TMTC1: variants seen among roughly 807,000 people sequenced by gnomAD.
The protein encoded by TMTC1 is transmembrane O-mannosyltransferase targeting cadherins 1.
Under a neutral mutation model 104.8 loss-of-function variants are expected in TMTC1, and 73 were observed. The observed-to-expected ratio is 0.70, with a 90% CI of 0.58 to 0.85. The LOEUF is 0.85. Among genes scored for constraint, TMTC1 ranks in the 40% least tolerant of loss-of-function variants. The pLI is 0.00. For missense variants in TMTC1, 1,035 were observed against 1,096.1 expected (o/e 0.94, Z 0.79); for synonymous variants, 434 against 428.7 (o/e 1.01, Z -0.15).
Position 29,668,495 on chromosome 12 carries a change from C to G in TMTC1, c.939-35159G>C, listed in dbSNP as rs1940377339. Among the ~76,000 whole-genome samples, 3 of 121,996 alleles carry G rather than the reference C, an allele frequency of 2.5e-5. No homozygotes were observed. In the Admixed American group the frequency reaches 3.0e-4, roughly 12 times the overall value. 80.0% of individuals were successfully genotyped at this position (121,996 alleles called of 152,430 possible). On this transcript the variant is annotated intron_variant, in intron 5 of 17. Coordinates refer to ENST00000539277, the MANE Select transcript of TMTC1 (RefSeq NM_001193451.2). The stretch of plus-strand genomic sequence containing the variant: ...TTTTTTTTTGAGATGGAGTCCCACT[C>G]TGTCACCCAGGCTGGAGTGCAGTGG...
At chr12:29,553,503 C>T (rs1945159375) in intron 10 of TMTC1, among the ~76,000 whole-genome samples, 1 of 151,986 alleles carries the variant, frequency 6.6e-6, no homozygotes, top group African/African-American at 2.4e-5. Flanking sequence ...TTGTTTGGAC[C>T]TCTGTTAACT....
At chr12:29,508,540 G>A (rs7301855) in intron 17 of TMTC1, among the ~76,000 whole-genome samples, 28,896 of 151,986 alleles carry the variant, frequency 0.19, 2,879 homozygotes, top group East Asian at 0.35. Context: ...CACACAGAAC[G>A]CAGTTCCTTT....
chr12:29,626,648 A>T (rs1029747091), intron 6 of TMTC1, among the ~76,000 whole-genome samples: 8 of 152,208 alleles, frequency 5.3e-5, no homozygotes, highest in African/African-American at 1.9e-4. Flanking sequence ...TAACTCAAAA[A>T]TGAATCAATG....
At chr12:29,758,551 AC>A (rs11314501) in intron 3 of TMTC1, among the ~76,000 whole-genome samples, 152 bp downstream of exon 3, 1,958 of 152,256 alleles carry the variant, frequency 0.013, 138 homozygotes, top group Admixed American at 0.11. Context: ...ACGGCCCAGC[AC>A]TGGACAAGCA....
In TMTC1 at chr12:29,725,083, T is replaced by C. The variant is rs186335181; in HGVS notation, c.938+26583A>G. ...TTGCTCAGGCTGGAGTGCAGTGGCA[T>C]GATTTCGGCTCACTGTAACCTCCTC... On this transcript the variant is annotated intron_variant, in intron 5 of 17. Coordinates refer to ENST00000539277, the MANE Select transcript of TMTC1 (RefSeq NM_001193451.2). Among the ~76,000 whole-genome samples, 433 of 134,860 alleles carry C rather than the reference T, an allele frequency of 3.2e-3. 2 individuals are homozygous for C. The highest frequency in any genetic ancestry group is 0.012 in the African/African-American group (423 of 36,560). The allele number at this position is 134,860 out of a possible 152,430, so 88.5% of individuals were successfully genotyped here.
chr12:29,664,340 T>C (rs1490694607), intron 5 of TMTC1, among the ~76,000 whole-genome samples: 1 of 152,194 alleles, frequency 6.6e-6, no homozygotes, highest in Non-Finnish European at 1.5e-5. Flanking sequence ...TTTCTAGTTG[T>C]TGACCAATAG....
At chr12:29,715,068 G>A (rs1942039732) in intron 5 of TMTC1, among the ~76,000 whole-genome samples, 1 of 152,138 alleles carries the variant, frequency 6.6e-6, no homozygotes, top group South Asian at 2.1e-4. Context: ...CCCAGAAATG[G>A]TATAATTAGA....
intron 7 of TMTC1, among the ~76,000 whole-genome samples, chr12:29,602,924 G>C (rs1476990736): frequency 2.6e-5 from 4 of 152,102 alleles, no homozygotes; most frequent in Admixed American, 2.6e-4. Flanking sequence ...GTACTACAAA[G>C]AAAAGCTAAG....
chr12:29,716,162 G>A (rs982172957), intron 5 of TMTC1, among the ~76,000 whole-genome samples: 18 of 152,080 alleles, frequency 1.2e-4, no homozygotes, highest in African/African-American at 4.3e-4. Flanking sequence ...AAGAGCACAG[G>A]TGCATACCAC....
At chr12:29,708,378 G>A (rs1941809121) in intron 5 of TMTC1, among the ~76,000 whole-genome samples, 1 of 152,144 alleles carries the variant, frequency 6.6e-6, no homozygotes. Context: ...GAACAGCGCA[G>A]AGCAAATGTC....
chr12:29,762,635 G>A (rs1334032064), intron 2 of TMTC1, among the ~76,000 whole-genome samples: 1 of 152,174 alleles, frequency 6.6e-6, no homozygotes, highest in Admixed American at 6.5e-5. Context: ...GAGAAACCTG[G>A]ACATGGCCAA....
rs1180840051 is a variant in TMTC1 at position 29,633,174 on chromosome 12, C to CTT, written c.1100_1101insAA (p.Ser368ArgfsTer6). 24 of 1,613,830 alleles carry CTT rather than the reference C, an allele frequency of 1.5e-5. No homozygotes were observed. The highest frequency in any genetic ancestry group is 1.4e-5 in the Non-Finnish European group (17 of 1,179,934). Reference sequence around the variant, plus strand: ...TAAAGGCTGCTAAGCAGTGCAGGCTCAATAAGGCCATCACAACCGCCAGAA... The same window carrying CTT: ...TAAAGGCTGCTAAGCAGTGCAGGCTCTTAATAAGGCCATCACAACCGCCAGAA... On this transcript the variant is annotated frameshift_variant, in exon 6 of 18. Transcript: ENST00000539277. LOFTEE classifies it high-confidence loss of function.
rs143630283 is a variant in TMTC1, at chr12:29,604,543, C to T, written c.1129-244G>A. ...ACCCAGAAACATGGATATTGGCCCACTACAGTCAGTGACCGCTACCTGTTG... is the reference window on the plus strand; with the variant it reads ...ACCCAGAAACATGGATATTGGCCCATTACAGTCAGTGACCGCTACCTGTTG... On this transcript the variant is annotated intron_variant, in intron 6 of 17. Coordinates refer to ENST00000539277, the MANE Select transcript of TMTC1 (RefSeq NM_001193451.2). Among the ~76,000 whole-genome samples, 547 of 152,304 alleles carry T rather than the reference C, an allele frequency of 3.6e-3. 2 individuals are homozygous for T. The highest frequency in any genetic ancestry group is 9.5e-3 in the Admixed American group (145 of 15,306).
At chr12:29,716,621 A>G (rs1168312669) in intron 5 of TMTC1, among the ~76,000 whole-genome samples, 1 of 152,172 alleles carries the variant, frequency 6.6e-6, no homozygotes, top group Admixed American at 6.5e-5. Context: ...AATATAATAC[A>G]GTGACTAATG....
intron 16 of TMTC1, 102 bp downstream of exon 16, chr12:29,514,380 G>A (rs1460629075): frequency 4.0e-6 from 5 of 1,242,138 alleles, no homozygotes; most frequent in Non-Finnish European, 5.5e-6. Flanking sequence ...AAACATACAT[G>A]CCAGTGATCT....
chr12:29,541,900 G>A (rs1056115116), intron 10 of TMTC1, among the ~76,000 whole-genome samples: 4 of 151,902 alleles, frequency 2.6e-5, no homozygotes. Flanking sequence ...CTCGTGATCC[G>A]CCTGCCTCGG....
At chr12:29,649,145 T>A (rs547233259) in intron 5 of TMTC1, among the ~76,000 whole-genome samples, 119 of 152,262 alleles carry the variant, frequency 7.8e-4, no homozygotes, top group Admixed American at 3.3e-3. Flanking sequence ...CCAACTACTA[T>A]CCTGACTTGT....
At chr12:29,554,388 A>G (rs1945183948) in intron 10 of TMTC1, among the ~76,000 whole-genome samples, 1 of 151,854 alleles carries the variant, frequency 6.6e-6, no homozygotes, top group Non-Finnish European at 1.5e-5. Flanking sequence ...ATTAGTTTTA[A>G]TATCACTGTT....
At chr12:29,746,942 T>A (rs1942969387) in intron 5 of TMTC1, among the ~76,000 whole-genome samples, 1 of 152,312 alleles carries the variant, frequency 6.6e-6, no homozygotes, top group South Asian at 2.1e-4. Flanking sequence ...GCACCAAAAA[T>A]AGTGCCTGAC....
Sources: allele counts gnomAD v4.1 joint callset (sites outside exome capture counted in the v4.1 genomes callset), GRCh38; gene constraint gnomAD v4.1.1; transcripts MANE v1.5; gene names NCBI Gene and HGNC (gene_info 2026-07-23, HGNC 2026-07-21).